MALRD1: variants seen among roughly 807,000 people sequenced by gnomAD.
The protein encoded by MALRD1 is MAM and LDL receptor class A domain containing 1.
Under a neutral mutation model 242.1 loss-of-function variants are expected in MALRD1, and 247 were observed. The observed-to-expected ratio is 1.02, with a 90% CI of 0.92 to 1.13. MALRD1 has a LOEUF of 1.13. Ranked by LOEUF, MALRD1 falls within the 50% of genes most tolerant of loss-of-function variation. The pLI is 0.00. For synonymous variants in MALRD1, 995 were observed against 866.6 expected, an observed-to-expected ratio of 1.15 and a Z score of -2.60; for missense variants, 2,989 against 2,533.1, an observed-to-expected ratio of 1.18 and a Z score of -3.86.
chr10:19,515,305 C>T (rs1477923719), intron 31 of MALRD1, among the ~76,000 whole-genome samples: 2 of 152,126 alleles, frequency 1.3e-5, no homozygotes, highest in African/African-American at 2.4e-5. Context: ...AGCTATATCA[C>T]ACCAGCTTCC....
At position 19,065,178 on chromosome 10, in the gene MALRD1, T is replaced by C. The variant is rs576929170; in HGVS notation, c.200-1541T>C. 5.9e-4 allele frequency among the ~76,000 whole-genome samples: 87 copies of C among 148,334 alleles called. 1 individual carries two copies. Among genetic ancestry groups the C allele is most frequent in the African/African-American group, 2.1e-3 (85 of 40,182 alleles). On this transcript the variant is annotated intron_variant, in intron 1 of 39. Transcript: ENST00000454679. The stretch of plus-strand genomic sequence containing the variant: ...GGTGCATGCCTGTAATCCCAGCTAC[T>C]TGGGAGGCTGAGGCAGGAGAATTGC...
chr10:19,585,618 T>G (rs1837351773), intron 33 of MALRD1, among the ~76,000 whole-genome samples: 1 of 152,218 alleles, frequency 6.6e-6, no homozygotes, highest in Admixed American at 6.5e-5. Flanking sequence ...TGGGCTTCCC[T>G]TTGTAGGTAA....
Position 19,380,893 on chromosome 10 carries a change from G to A in MALRD1, c.4442-6635G>A, listed in dbSNP as rs1206199956. Among the ~76,000 whole-genome samples, 6 of 141,010 alleles carry A rather than the reference G, an allele frequency of 4.3e-5. No homozygotes were observed. The South Asian group carries it at 6.8e-4, about 16-fold the overall frequency. The allele number at this position is 141,010 out of a possible 152,430, so 92.5% of individuals were successfully genotyped here. On this transcript the variant is annotated intron_variant, in intron 26 of 39. Transcript: ENST00000454679. ...ATCACTTGATTTCTTTCTAAAGAAC[G>A]TTCTGTAGCAATTTCTTTTCTTTTT...
chr10:19,692,610 C>T, intron 38 of MALRD1, 56 bp downstream of exon 38: 1 of 1,360,774 alleles, frequency 7.3e-7, no homozygotes, highest in South Asian at 1.3e-5. Flanking sequence ...AAATTTTCTT[C>T]AACATTTCCT....
chr10:19,545,614 A>G (rs539299109), intron 32 of MALRD1, among the ~76,000 whole-genome samples: 1 of 150,764 alleles, frequency 6.6e-6, no homozygotes, highest in South Asian at 2.1e-4. Context: ...GTATGTGAAT[A>G]AAATGTTCTT....
chr10:19,541,024 A>C (rs1168584774), intron 32 of MALRD1, among the ~76,000 whole-genome samples: 2 of 152,214 alleles, frequency 1.3e-5, no homozygotes, highest in Non-Finnish European at 2.9e-5. Flanking sequence ...ACATATGCTT[A>C]AGGCAATAGA....
At position 19,171,419 on chromosome 10, in the gene MALRD1, ATT is replaced by A. The variant is rs199557689; in HGVS notation, c.1831-3786_1831-3785del. Among the ~76,000 whole-genome samples the A allele has an allele frequency of 1.8e-4, 14 of 76,690 alleles. 1 individual carries two copies. The highest frequency in any genetic ancestry group is 9.6e-4 in the South Asian group (2 of 2,074). 50.3% of individuals were successfully genotyped at this position (76,690 alleles called of 152,430 possible). On this transcript the variant is annotated intron_variant, in intron 13 of 39. Coordinates refer to ENST00000454679, the MANE Select transcript of MALRD1 (RefSeq NM_001142308.3). ...AAGGGAATTGGTCACAACATTTTAT[ATT>A]TTATATACATATATATATATATATA...
intron 11 of MALRD1, among the ~76,000 whole-genome samples, chr10:19,150,248 C>T (rs1478909107): frequency 6.6e-6 from 1 of 151,922 alleles, no homozygotes; most frequent in East Asian, 1.9e-4. Context: ...TTTTTTTGCA[C>T]TCTGGTTGGT....
intron 28 of MALRD1, among the ~76,000 whole-genome samples, chr10:19,427,966 T>A (rs1197856468): frequency 6.6e-6 from 1 of 152,154 alleles, no homozygotes; most frequent in African/African-American, 2.4e-5. Context: ...GCAGCCTAAA[T>A]CTCAAATTGC....
chr10:19,097,887 C>CA (rs1836100805), intron 4 of MALRD1, among the ~76,000 whole-genome samples: 1 of 152,126 alleles, frequency 6.6e-6, no homozygotes, highest in African/African-American at 2.4e-5. Context: ...TGTAGCAGAG[C>CA]ACATCTCCCC....
At chr10:19,337,573 A>G (rs1843667936) in intron 24 of MALRD1, among the ~76,000 whole-genome samples, 1 of 152,024 alleles carries the variant, frequency 6.6e-6, no homozygotes, top group Non-Finnish European at 1.5e-5. Context: ...CTATTGAAGT[A>G]TTTTGTCCAT....
At chr10:19,255,876 C>T (rs1839482718) in intron 18 of MALRD1, among the ~76,000 whole-genome samples, 3 of 151,970 alleles carry the variant, frequency 2.0e-5, no homozygotes, top group Admixed American at 6.6e-5. Context: ...ATTCTCTAAC[C>T]TGTTATGGCC....
Position 19,315,003 on chromosome 10 carries a change from T to TATATAAATTATATAAATATATAA in MALRD1, c.3420-8940_3420-8939insATTATATAAATATATAAATATAA, listed in dbSNP as rs1564554149. Among the ~76,000 whole-genome samples, 1,284 of 143,768 alleles carry TATATAAATTATATAAATATATAA rather than the reference T, an allele frequency of 8.9e-3. 108 individuals carry two copies. The highest frequency in any genetic ancestry group is 0.03 in the African/African-American group (1,186 of 38,902). 94.3% of individuals were successfully genotyped at this position (143,768 alleles called of 152,430 possible). ...ATCTGGAATGTGTGCTTAGTAAATT[T>TATATAAATTATATAAATATATAA]ATATAATTTATATAAATATATAAAT... On this transcript the variant is annotated intron_variant, in intron 21 of 39. Coordinates refer to ENST00000454679, the MANE Select transcript of MALRD1 (RefSeq NM_001142308.3).
intron 24 of MALRD1, among the ~76,000 whole-genome samples, chr10:19,344,601 T>A (rs1401277387): frequency 1.3e-5 from 2 of 151,980 alleles, no homozygotes; most frequent in Non-Finnish European, 2.9e-5. Context: ...AATTCATTCT[T>A]CTTATACAAA....
intron 18 of MALRD1, among the ~76,000 whole-genome samples, chr10:19,237,949 A>C (rs374191674): frequency 0.23 from 1,640 of 7,006 alleles, 124 homozygotes; most frequent in Admixed American, 0.28. Context: ...CAGTTATATA[A>C]ATTATATGTA....
At chr10:19,263,211 A>T (rs1038422753) in intron 19 of MALRD1, among the ~76,000 whole-genome samples, 3 of 151,996 alleles carry the variant, frequency 2.0e-5, no homozygotes, top group African/African-American at 7.3e-5. Context: ...TTTTTGAGCA[A>T]CCTCCATACT....
intron 34 of MALRD1, among the ~76,000 whole-genome samples, chr10:19,601,800 G>T (rs959672462): frequency 1.3e-5 from 2 of 151,900 alleles, no homozygotes; most frequent in Admixed American, 6.6e-5. Context: ...TAGAGGAAGG[G>T]TTCAAAATAT....
intron 28 of MALRD1, among the ~76,000 whole-genome samples, chr10:19,403,845 C>T (rs1846972818): frequency 6.6e-6 from 1 of 151,996 alleles, no homozygotes; most frequent in Admixed American, 6.6e-5. Context: ...TTCAGAAAAT[C>T]CCCAAATTAT....
intron 32 of MALRD1, among the ~76,000 whole-genome samples, chr10:19,536,590 A>T (rs1360483458): frequency 6.6e-6 from 1 of 151,998 alleles, no homozygotes; most frequent in Non-Finnish European, 1.5e-5. Flanking sequence ...TATTTGAAAT[A>T]TGTTAGTTTA....
Sources: allele counts gnomAD v4.1 joint callset (sites outside exome capture counted in the v4.1 genomes callset), GRCh38; gene constraint gnomAD v4.1.1; transcripts MANE v1.5; gene names NCBI Gene and HGNC (gene_info 2026-07-23, HGNC 2026-07-21).